The following RUNX2 variants were observed in gnomAD, a reference collection of about 807,000 sequenced individuals.
RUNX2 encodes runt-related transcription factor 2.
In RUNX2, 10 loss-of-function variants were observed where a neutral mutation model predicts 51.7. The ratio of observed to expected loss-of-function variants is 0.19; its 90% CI spans 0.12 to 0.33. The LOEUF (loss-of-function observed/expected upper bound fraction) is 0.33. Among genes scored for constraint, RUNX2 ranks in the 10% least tolerant of loss-of-function variants. The pLI is 1.00. For missense variants in RUNX2, 562 were observed against 691.3 expected (o/e 0.81, Z 2.10); for synonymous variants, 276 against 273.6 (o/e 1.01, Z -0.09).
intron 5 of RUNX2, among the ~76,000 whole-genome samples, chr6:45,446,426 A>G (rs1300789412): frequency 1.3e-5 from 2 of 152,092 alleles, no homozygotes. Context: ...GAGATCATTC[A>G]TTCTGAAAAT....
intron 2 of RUNX2, among the ~76,000 whole-genome samples, chr6:45,357,305 T>C (rs933806524): frequency 7.9e-5 from 12 of 151,978 alleles, no homozygotes; most frequent in African/African-American, 2.9e-4. Flanking sequence ...CTGTGCCCGG[T>C]CAAGAATCCA....
At position 45,422,802 on chromosome 6, in the gene RUNX2, G is replaced by C. The variant is rs1429247338; in HGVS notation, c.268G>C (p.Val90Leu). 2 of 1,576,976 alleles carry C rather than the reference G, an allele frequency of 1.3e-6. No homozygotes were observed. The highest frequency in any genetic ancestry group is 1.8e-5 in the Admixed American group (1 of 56,486). ...GGCGGCTGCGGCGGCGGCAGCTGCA[G>C]TGCCCCGGTTGCGGCCGCCCCACGA... is the stretch of plus-strand genomic sequence containing the variant. ...AAAAAAAAAA[V>L]PRLRPPHDNR... The change falls in exon 3 of 9, where the codon GTG becomes CTG. Residue 90 changes from valine to leucine, a missense_variant. By Grantham distance (32) the Val-to-Leu change is conservative (BLOSUM62 1). Around this residue, in one of 5 missense-constraint regions of RUNX2, gnomAD observed 153 missense variants for 144.8 expected, o/e 1.06. Transcript: ENST00000647337.
At chr6:45,392,343 CAA>C (rs1357866969) in intron 2 of RUNX2, among the ~76,000 whole-genome samples, 1 of 151,742 alleles carries the variant, frequency 6.6e-6, no homozygotes, top group African/African-American at 2.4e-5. Flanking sequence ...TCTGTCTCTA[CAA>C]AAAAATATAT....
At chr6:45,437,641 C>A (rs1264252842) in intron 4 of RUNX2, among the ~76,000 whole-genome samples, 1 of 152,170 alleles carries the variant, frequency 6.6e-6, no homozygotes, top group Admixed American at 6.5e-5. Flanking sequence ...AGAAAAAGAA[C>A]CTTCCTCAAG....
chr6:45,465,789 C>A (rs1431626735), intron 5 of RUNX2, among the ~76,000 whole-genome samples: 1 of 151,518 alleles, frequency 6.6e-6, no homozygotes, highest in African/African-American at 2.4e-5. Flanking sequence ...GCACATACCA[C>A]CACGCCTGGC....
Position 45,444,102 on chromosome 6 carries a change from G to C in RUNX2, c.685+6051G>C, listed in dbSNP as rs183000928. 6.1e-3 allele frequency among the ~76,000 whole-genome samples: 933 copies of C among 152,186 alleles called. 7 individuals are homozygous for C. The highest frequency in any genetic ancestry group is 0.021 in the African/African-American group (866 of 41,518). On this transcript the variant is annotated intron_variant, in intron 5 of 8. Transcript: ENST00000647337. ...TGACCTCAGGTGATCTGCCCGCCTC[G>C]GCCTCCCAAAGTGCTGGGATTACAG...
rs574327123 is a variant in RUNX2 at position 45,342,507 on chromosome 6, C to T, written c.58+13723C>T. Reference sequence around the variant, plus strand: ...ATCTTCTGACCTCGTAATCCACCCGCCTTGGCCTCCCAAAGTGCTGCGATT... The same window carrying T: ...ATCTTCTGACCTCGTAATCCACCCGTCTTGGCCTCCCAAAGTGCTGCGATT... On this transcript the variant is annotated intron_variant, in intron 2 of 8. Coordinates refer to ENST00000647337, the MANE Select transcript of RUNX2 (RefSeq NM_001024630.4). Among the ~76,000 whole-genome samples, 6 of 152,270 alleles carry T rather than the reference C, an allele frequency of 3.9e-5. No homozygotes were observed. In the South Asian group the frequency reaches 1.0e-3, roughly 26 times the overall value.
Position 45,547,379 on chromosome 6 carries a change from A to G in RUNX2, c.*74A>G. 1.7e-6 allele frequency: 2 copies of G among 1,167,674 alleles called. No homozygotes were observed. Among genetic ancestry groups the G allele is most frequent in the South Asian group, 1.2e-5 (1 of 81,758 alleles). The allele number at this position is 1,167,674 out of a possible 1,614,324, so 72.3% of individuals were successfully genotyped here. Reference sequence around the variant, plus strand: ...TATCAATATATACATATATAGAGAGAGTGCATATATATGTATATCGATTAG... The same window carrying G: ...TATCAATATATACATATATAGAGAGGGTGCATATATATGTATATCGATTAG... On this transcript the variant is annotated 3_prime_UTR_variant, in exon 9 of 9. Transcript: ENST00000647337.
In RUNX2 at chr6:45,344,091, G is replaced by A. The variant is rs112675986; in HGVS notation, c.58+15307G>A. On this transcript the variant is annotated intron_variant, in intron 2 of 8. Transcript: ENST00000647337. ...ATATGAAAAATTGTCAAACTAAAGA[G>A]CAATTCAAATTCCTTTTATTCGGAG... Among the ~76,000 whole-genome samples the A allele has an allele frequency of 9.1e-3, 1,380 of 152,154 alleles. 14 individuals carry two copies. The highest frequency in any genetic ancestry group is 0.028 in the South Asian group (136 of 4,826).
intron 4 of RUNX2, among the ~76,000 whole-genome samples, chr6:45,435,866 A>C (rs1798671124): frequency 6.6e-6 from 1 of 152,174 alleles, no homozygotes; most frequent in Admixed American, 6.5e-5. Flanking sequence ...ATTAACTTTC[A>C]ATCTAGAGAT....
At chr6:45,528,084 C>T (rs1407503418) in intron 7 of RUNX2, among the ~76,000 whole-genome samples, 1 of 152,110 alleles carries the variant, frequency 6.6e-6, no homozygotes, top group East Asian at 1.9e-4. Context: ...GGGAACTCCT[C>T]TTTTTAAAAC....
At chr6:45,521,331 C>A (rs1420361439) in intron 7 of RUNX2, among the ~76,000 whole-genome samples, 2 of 152,118 alleles carry the variant, frequency 1.3e-5, no homozygotes, top group African/African-American at 4.8e-5. Context: ...TAAGAGTGTG[C>A]ATAAGCAGTA....
At chr6:45,440,103 C>T (rs952537413) in intron 5 of RUNX2, among the ~76,000 whole-genome samples, 1 of 152,186 alleles carries the variant, frequency 6.6e-6, no homozygotes, top group Non-Finnish European at 1.5e-5. Context: ...GCCTGAGTAA[C>T]ATTTCTTATT....
At chr6:45,402,312 A>G (rs938718123) in intron 2 of RUNX2, among the ~76,000 whole-genome samples, 2 of 152,250 alleles carry the variant, frequency 1.3e-5, no homozygotes, top group Non-Finnish European at 2.9e-5. Context: ...CAAAAATCAT[A>G]TACCATAAGT....
In RUNX2 at chr6:45,533,135, G is replaced by GGTGTGT. The variant is rs56014189; in HGVS notation, c.1022-12063_1022-12058dup. Among the ~76,000 whole-genome samples, 1,322 of 149,558 alleles carry GGTGTGT rather than the reference G, an allele frequency of 8.8e-3. 20 individuals carry two copies. Among genetic ancestry groups the GGTGTGT allele is most frequent in the African/African-American group, 0.03 (1,206 of 40,824 alleles). On this transcript the variant is annotated intron_variant, in intron 7 of 8. Coordinates refer to ENST00000647337, the MANE Select transcript of RUNX2 (RefSeq NM_001024630.4). ...ATTGAAGATGAAACCCCTCTGAAGG[G>GGTGTGT]GTGTGTGTGTGTGTGTGTGTGTGTT...
At chr6:45,336,116 C>A (rs12524323) in intron 2 of RUNX2, among the ~76,000 whole-genome samples, 54,272 of 151,042 alleles carry the variant, frequency 0.36, 10,432 homozygotes, top group Non-Finnish European at 0.43. Flanking sequence ...CAGAATTCTT[C>A]TATTCTCCCA....
intron 5 of RUNX2, among the ~76,000 whole-genome samples, chr6:45,448,426 C>T (rs879568056): frequency 6.6e-6 from 1 of 152,010 alleles, no homozygotes; most frequent in Non-Finnish European, 1.5e-5. Context: ...GTAGGGTAAA[C>T]GAATCAACGA....
At chr6:45,463,393 A>T (rs1246173426) in intron 5 of RUNX2, among the ~76,000 whole-genome samples, 2 of 152,254 alleles carry the variant, frequency 1.3e-5, no homozygotes, top group African/African-American at 4.8e-5. Flanking sequence ...CCATATGCTA[A>T]ATAGACTGCC....
chr6:45,418,615 G>A (rs1382169838), intron 2 of RUNX2, among the ~76,000 whole-genome samples: 1 of 152,164 alleles, frequency 6.6e-6, no homozygotes, highest in African/African-American at 2.4e-5. Flanking sequence ...CGATTAACAG[G>A]AGAGGTTTGG....
Sources: allele counts gnomAD v4.1 joint callset (sites outside exome capture counted in the v4.1 genomes callset), GRCh38; gene constraint gnomAD v4.1.1; regional missense constraint gnomAD v4.1.1; transcripts MANE v1.5; gene names NCBI Gene and HGNC (gene_info 2026-07-23, HGNC 2026-07-21).